Variants in NCAN observed in about 807,000 individuals in gnomAD.
The protein encoded by NCAN is neurocan core protein.
Under a neutral mutation model 121.8 loss-of-function variants are expected in NCAN, and 47 were observed. That is an observed-to-expected ratio of 0.39 (90% CI 0.31 to 0.49). NCAN has a LOEUF of 0.49. Among genes scored for constraint, NCAN ranks in the 20% least tolerant of loss-of-function variants. NCAN has a pLI of 0.92. For synonymous variants in NCAN, 633 were observed against 702.0 expected (o/e 0.90, Z 1.55); for missense variants, 1,517 against 1,773.4 (o/e 0.86, Z 2.60).
chr19:19,235,155 C>T, intron 10 of NCAN, 59 bp downstream of exon 10: 1 of 1,084,696 alleles, frequency 9.2e-7, no homozygotes, highest in African/African-American at 1.5e-5. Flanking sequence ...TGCCCAGCCA[C>T]AGGCTTCCCC....
intron 3 of NCAN, among the ~76,000 whole-genome samples, chr19:19,221,763 G>T (rs2060817661): frequency 6.6e-6 from 1 of 151,224 alleles, no homozygotes; most frequent in Admixed American, 6.6e-5. Context: ...GCTAGTGTGC[G>T]CCTGTAGTCT....
intron 12 of NCAN, among the ~76,000 whole-genome samples, chr19:19,242,361 C>G (rs1046076433): frequency 6.6e-6 from 1 of 152,074 alleles, no homozygotes; most frequent in African/African-American, 2.4e-5. Flanking sequence ...TGCACTCCAG[C>G]CTGGGTGACA....
At chr19:19,213,255 G>T (rs367732596) in intron 1 of NCAN, among the ~76,000 whole-genome samples, 4 of 152,086 alleles carry the variant, frequency 2.6e-5, no homozygotes, top group African/African-American at 9.7e-5. Context: ...TTGTGTGTGT[G>T]TCCACCCCAG....
chr19:19,237,096 G>A (rs1203289937), intron 10 of NCAN, among the ~76,000 whole-genome samples: 4 of 142,862 alleles, frequency 2.8e-5, no homozygotes, highest in African/African-American at 1.0e-4. Flanking sequence ...TTTTTTTTTT[G>A]AAGTTTAGTA....
Position 19,250,005 on chromosome 19 carries a change from A to G in NCAN, c.*94A>G, listed in dbSNP as rs749782040. On this transcript the variant is annotated 3_prime_UTR_variant, in exon 15 of 15. Coordinates refer to ENST00000252575, the MANE Select transcript of NCAN (RefSeq NM_004386.3). ...AACCCAGAGAGAAACAAGAGAGTCC[A>G]GAAGTCCCTGAACCCCAAACCACAT... 7.4e-7 allele frequency: 1 copy of G among 1,356,742 alleles called. No homozygotes were observed. 84.0% of individuals were successfully genotyped at this position (1,356,742 alleles called of 1,614,324 possible).
At chr19:19,230,960 G>T (rs2060857089) in intron 8 of NCAN, among the ~76,000 whole-genome samples, 1 of 150,072 alleles carries the variant, frequency 6.7e-6, no homozygotes, top group Admixed American at 6.7e-5. Context: ...TATCCAGGCT[G>T]GTCTCAAACT....
chr19:19,226,940 GC>G lies in NCAN; in HGVS notation c.1533del (p.Thr512ProfsTer6). 6.3e-7 allele frequency: 1 copy of G among 1,579,674 alleles called. No homozygotes were observed. The highest frequency in any genetic ancestry group is 8.6e-7 in the Non-Finnish European group (1 of 1,161,948). ...LQGGMEASAQ[P>X]PTSEAAVNQM... ...AAGGGGGGATGGAGGCCAGCGCCCA[GC>G]CCCCCACCTCAGAGGCTGCAGTGAA... is the stretch of plus-strand genomic sequence containing the variant. On this transcript the variant is annotated frameshift_variant, in exon 7 of 15. Transcript: ENST00000252575. LOFTEE classifies it high-confidence loss of function.
chr19:19,249,674 TCTA>T, intron 14 of NCAN, 89 bp from the exon 15 acceptor site: 1 of 1,513,288 alleles, frequency 6.6e-7, no homozygotes, highest in Non-Finnish European at 8.8e-7. Flanking sequence ...GCCTCTTTCC[TCTA>T]CTTTCTCTCC....
Position 19,251,218 on chromosome 19 carries a change from T to C in NCAN, c.*1307T>C, listed in dbSNP as rs1231869372. ...AAAAGCACCGTGGAGAATGGCCCTC[T>C]TCAGGAAAGAAAAATAAGCAAATGA... On this transcript the variant is annotated 3_prime_UTR_variant, in exon 15 of 15. Transcript: ENST00000252575. The C allele has an allele frequency of 6.6e-6, 1 of 152,186 alleles. No individual in the cohort carries two copies. The highest frequency in any genetic ancestry group is 1.5e-5 in the Non-Finnish European group (1 of 68,046). The allele number at this position is 152,186 out of a possible 1,614,324, so 9.4% of individuals were successfully genotyped here.
rs200217202 is a variant in NCAN at position 19,228,539 on chromosome 19, C to T, written c.2919C>T (p.Val973=). Reference sequence around the variant, plus strand: ...GCATAGAGGACTTCGAACTGGAGGTCCTGGCAGGGAGCCCGGGTGTAGAGA... The same window carrying T: ...GCATAGAGGACTTCGAACTGGAGGTTCTGGCAGGGAGCCCGGGTGTAGAGA... ...TLGIEDFELE[V]LAGSPGVESF... is the part of the protein sequence containing the mutation. Residue 973 remains valine, a synonymous_variant, in exon 8 of 15, where the codon GTC becomes GTT. Transcript: ENST00000252575. 48 of 1,613,290 alleles carry T rather than the reference C, an allele frequency of 3.0e-5. No individual in the cohort carries two copies. Among genetic ancestry groups the T allele is most frequent in the Admixed American group, 2.5e-4 (15 of 60,032 alleles).
intron 8 of NCAN, among the ~76,000 whole-genome samples, chr19:19,229,362 CAG>C (rs2060849989): frequency 6.6e-6 from 1 of 152,190 alleles, no homozygotes; most frequent in Admixed American, 6.5e-5. Flanking sequence ...CTGAGGAAGA[CAG>C]AGCAGGACAC....
intron 10 of NCAN, among the ~76,000 whole-genome samples, chr19:19,235,445 AT>A (rs1408760255): frequency 7.3e-6 from 1 of 137,922 alleles, no homozygotes; most frequent in African/African-American, 2.7e-5. Flanking sequence ...TAATTTTTGT[AT>A]TTTTTAGTAG....
chr19:19,249,896 A>G lies in NCAN; in HGVS notation c.3951A>G (p.Glu1317=). 1 of 1,613,920 alleles carries G rather than the reference A, an allele frequency of 6.2e-7. No homozygotes were observed. ...KHPTEDWEKD[E]GNFC Reference sequence around the variant, plus strand: ...CAACGGAGGACTGGGAGAAGGACGAAGGGAATTTCTGCTGAAGAACCAGAA... The same window carrying G: ...CAACGGAGGACTGGGAGAAGGACGAGGGGAATTTCTGCTGAAGAACCAGAA... The change falls in exon 15 of 15, where the codon GAA becomes GAG. Residue 1317 remains glutamate, a synonymous_variant. Coordinates refer to ENST00000252575, the MANE Select transcript of NCAN (RefSeq NM_004386.3).
In NCAN at chr19:19,250,971, A is replaced by AACAC. The variant is rs3831636; in HGVS notation, c.*1074_*1077dup. ...CTCAGTGTTAAAACTGAAACACACA[A>AACAC]ACACACACACACACACATTTTTCTC... On this transcript the variant is annotated 3_prime_UTR_variant, in exon 15 of 15. Coordinates refer to ENST00000252575, the MANE Select transcript of NCAN (RefSeq NM_004386.3). The AACAC allele has an allele frequency of 1.3e-5, 2 of 151,452 alleles. No individual in the cohort carries two copies. The highest frequency in any genetic ancestry group is 2.9e-5 in the Non-Finnish European group (2 of 67,846). 9.4% of individuals were successfully genotyped at this position (151,452 alleles called of 1,614,324 possible).
intron 14 of NCAN, 34 bp downstream of exon 14, chr19:19,248,916 T>C: frequency 6.2e-7 from 1 of 1,600,538 alleles, no homozygotes; most frequent in Non-Finnish European, 8.5e-7. Flanking sequence ...TCAACATAGG[T>C]TTTTGGTATT....
rs779791812 is a variant in NCAN, at chr19:19,227,675, C to A, written c.2055C>A (p.Thr685=). The A allele has an allele frequency of 1.9e-6, 3 of 1,614,014 alleles. No individual in the cohort carries two copies. The highest frequency in any genetic ancestry group is 2.5e-6 in the Non-Finnish European group (3 of 1,180,028). ...TKVYSLPLSL[T]PTGQGGEAMP... is the part of the protein sequence containing the mutation. ...TGTATTCCCTGCCTCTCTCTTTGAC[C>A]CCAACAGGACAGGGTGGAGAGGCCA... is the stretch of plus-strand genomic sequence containing the variant. The change falls in exon 8 of 15, where the codon ACC becomes ACA. Residue 685 remains threonine, a synonymous_variant. Transcript: ENST00000252575. This position sits in a 1 kb window ranked among gnomAD's most constrained non-coding sequence, Gnocchi z 4.2.
At position 19,250,228 on chromosome 19, in the gene NCAN, C is replaced by A; in HGVS notation, c.*317C>A. On this transcript the variant is annotated 3_prime_UTR_variant, in exon 15 of 15. Coordinates refer to ENST00000252575, the MANE Select transcript of NCAN (RefSeq NM_004386.3). ...CTCTTGTTTGCCAGGCTGATTGAAG[C>A]AGGCCTTGATGAGGGTGCATGAGTG... 1 of 548,898 alleles carries A rather than the reference C, an allele frequency of 1.8e-6. No individual in the cohort carries two copies. Among genetic ancestry groups the A allele is most frequent in the Non-Finnish European group, 3.5e-6 (1 of 287,728 alleles). The allele number at this position is 548,898 out of a possible 1,614,324, so 34.0% of individuals were successfully genotyped here.
In NCAN at chr19:19,214,727, G is replaced by GGTGTGT. The variant is rs56279536; in HGVS notation, c.-7-2188_-7-2183dup. 7.9e-4 allele frequency among the ~76,000 whole-genome samples: 111 copies of GGTGTGT among 141,246 alleles called. No homozygotes were observed. In the East Asian group the frequency reaches 8.9e-3, roughly 11 times the overall value. 92.7% of individuals were successfully genotyped at this position (141,246 alleles called of 152,430 possible). A position where few individuals can be genotyped will look rare whatever the true frequency, so the allele number is the denominator to read the frequency against. On this transcript the variant is annotated intron_variant, in intron 1 of 14. Coordinates refer to ENST00000252575, the MANE Select transcript of NCAN (RefSeq NM_004386.3). ...TGGATGTAGTCTGACCTGTTAACGG[G>GGTGTGT]GTGTGTGTGTGTGTGTGTGTGTGTG...
At chr19:19,249,555 T>G (rs1396519414) in intron 14 of NCAN, among the ~76,000 whole-genome samples, 1 of 151,728 alleles carries the variant, frequency 6.6e-6, no homozygotes, top group Non-Finnish European at 1.5e-5. Flanking sequence ...TTTGTAGAGA[T>G]AGGTTCTCGC....
Sources: gnomAD v4.1 joint callset for allele counts (sites outside exome capture counted in the v4.1 genomes callset) on GRCh38, gnomAD v4.1.1 for gene constraint, Gnocchi (gnomAD v3.1) non-coding constraint, MANE v1.5 for transcripts, NCBI Gene and HGNC (gene_info 2026-07-23, HGNC 2026-07-21) for gene names.